The following TRPC7 variants were observed in gnomAD, a reference collection of about 807,000 sequenced individuals.
TRPC7 encodes the protein short transient receptor potential channel 7.
TRPC7 carries 42 observed loss-of-function variants against 90.1 expected under a neutral mutation model. The ratio of observed to expected loss-of-function variants is 0.47; its 90% CI spans 0.36 to 0.60. The LOEUF (loss-of-function observed/expected upper bound fraction) is 0.60. TRPC7 is among the 20% of genes least tolerant of loss of function. The pLI, the probability that TRPC7 is intolerant of heterozygous loss-of-function variation, is 0.00. For synonymous variants in TRPC7, 451 were observed against 436.3 expected, an observed-to-expected ratio of 1.03 and a Z score of -0.42; for missense variants, 955 against 1,112.3, an observed-to-expected ratio of 0.86 and a Z score of 2.01.
intron 5 of TRPC7, among the ~76,000 whole-genome samples, chr5:136,264,614 A>G (rs1241863163): frequency 6.6e-6 from 1 of 151,200 alleles, no homozygotes; most frequent in African/African-American, 2.4e-5. Flanking sequence ...TCTTTTTTAG[A>G]CAGAGTCTTG....
chr5:136,273,652 C>T (rs1255969591), intron 4 of TRPC7, among the ~76,000 whole-genome samples: 7 of 152,168 alleles, frequency 4.6e-5, no homozygotes, highest in Non-Finnish European at 8.8e-5. Context: ...GGTTGGTTCA[C>T]TGGTGACACT....
chr5:136,341,359 TA>T (rs1284770922), intron 2 of TRPC7, among the ~76,000 whole-genome samples: 3 of 151,852 alleles, frequency 2.0e-5, no homozygotes, highest in East Asian at 3.9e-4. Flanking sequence ...TATTATTAAT[TA>T]AAAAAAAGCC....
At chr5:136,238,252 C>T (rs1275909198) in intron 7 of TRPC7, among the ~76,000 whole-genome samples, 3 of 152,192 alleles carry the variant, frequency 2.0e-5, no homozygotes, top group African/African-American at 4.8e-5. Flanking sequence ...CTATAACTAT[C>T]TTACTTGCCT....
At chr5:136,218,161 TATATA>T (rs1174959015) in intron 10 of TRPC7, among the ~76,000 whole-genome samples, 1 of 141,746 alleles carries the variant, frequency 7.1e-6, no homozygotes. Flanking sequence ...ATATATAAAA[TATATA>T]ATATATATCT....
At chr5:136,242,574 A>G (rs1756205848) in intron 7 of TRPC7, among the ~76,000 whole-genome samples, 1 of 152,248 alleles carries the variant, frequency 6.6e-6, no homozygotes, top group African/African-American at 2.4e-5. Context: ...TTGCCTGCAT[A>G]GAGCCTGAAA....
At chr5:136,328,177 A>G (rs777305341) in intron 2 of TRPC7, among the ~76,000 whole-genome samples, 1 of 152,172 alleles carries the variant, frequency 6.6e-6, no homozygotes, top group Non-Finnish European at 1.5e-5. Flanking sequence ...AGAGACCGAC[A>G]ACATTTATTG....
intron 3 of TRPC7, among the ~76,000 whole-genome samples, chr5:136,302,227 A>G (rs13156969): frequency 0.12 from 18,443 of 152,250 alleles, 1,171 homozygotes; most frequent in African/African-American, 0.14. Flanking sequence ...ATTATTCACC[A>G]TTTCAAAGGT....
intron 3 of TRPC7, among the ~76,000 whole-genome samples, chr5:136,305,368 C>T (rs1580931801): frequency 1.3e-5 from 2 of 152,176 alleles, no homozygotes; most frequent in South Asian, 2.1e-4. Context: ...CACTAGCCCA[C>T]CTCTCAGAAC....
rs187717503 is a variant in TRPC7 at position 136,345,131 on chromosome 5, G to A, written c.780+11477C>T. On this transcript the variant is annotated intron_variant, in intron 2 of 11. Transcript: ENST00000513104. ...AAAAAGGTTGCTTTTTGGAGGGGAA[G>A]GATAATGGAAGTAGGGATAAAGTAT... Among the ~76,000 whole-genome samples the A allele has an allele frequency of 1.1e-3, 162 of 152,200 alleles. 1 individual carries two copies. The highest frequency in any genetic ancestry group is 2.1e-3 in the Non-Finnish European group (142 of 68,026).
At chr5:136,220,935 TAGAA>T (rs879878877) in intron 10 of TRPC7, among the ~76,000 whole-genome samples, 1 of 152,060 alleles carries the variant, frequency 6.6e-6, no homozygotes, top group Non-Finnish European at 1.5e-5. Context: ...TTATGGAAAA[TAGAA>T]AGAACCTACA....
At chr5:136,265,204 G>C (rs556321805) in intron 5 of TRPC7, among the ~76,000 whole-genome samples, 1 of 152,258 alleles carries the variant, frequency 6.6e-6, no homozygotes, top group East Asian at 1.9e-4. Flanking sequence ...TAAACATAAT[G>C]AAAATTATAC....
At chr5:136,339,494 C>T (rs1759776196) in intron 2 of TRPC7, among the ~76,000 whole-genome samples, 1 of 152,132 alleles carries the variant, frequency 6.6e-6, no homozygotes, top group Non-Finnish European at 1.5e-5. Context: ...CCCAATTGGT[C>T]CTATAGATAA....
intron 3 of TRPC7, among the ~76,000 whole-genome samples, chr5:136,277,090 T>A (rs541899840): frequency 8.5e-5 from 13 of 152,334 alleles, no homozygotes; most frequent in African/African-American, 2.6e-4. Flanking sequence ...TTCTTGTCTG[T>A]ATCTAGGAGA....
chr5:136,224,348 G>C (rs1245071123), intron 10 of TRPC7, among the ~76,000 whole-genome samples: 1 of 152,192 alleles, frequency 6.6e-6, no homozygotes, highest in Non-Finnish European at 1.5e-5. Context: ...ATTTCCAAAA[G>C]CAATGCAAGG....
At chr5:136,301,658 G>T (rs187873447) in intron 3 of TRPC7, among the ~76,000 whole-genome samples, 1 of 151,958 alleles carries the variant, frequency 6.6e-6, no homozygotes. Flanking sequence ...ACCCCTGCCC[G>T]CAAAACATTG....
At chr5:136,287,134 A>G (rs1757746057) in intron 3 of TRPC7, among the ~76,000 whole-genome samples, 1 of 152,110 alleles carries the variant, frequency 6.6e-6, no homozygotes, top group African/African-American at 2.4e-5. Flanking sequence ...TGGGTGTCTG[A>G]ATAACCTTCC....
intron 5 of TRPC7, among the ~76,000 whole-genome samples, chr5:136,262,718 A>G (rs75642814): frequency 0.022 from 3,390 of 152,346 alleles, 49 homozygotes; most frequent in Middle Eastern, 0.037. Flanking sequence ...AAAAGCAAAC[A>G]TAAATAATAT....
intron 3 of TRPC7, among the ~76,000 whole-genome samples, chr5:136,293,117 T>C (rs1758022130): frequency 6.6e-6 from 1 of 152,136 alleles, no homozygotes; most frequent in Non-Finnish European, 1.5e-5. Flanking sequence ...AAACTCTCAA[T>C]AAATTAGGTA....
intron 2 of TRPC7, among the ~76,000 whole-genome samples, chr5:136,354,537 G>A (rs1266758512): frequency 6.6e-6 from 1 of 152,094 alleles, no homozygotes; most frequent in African/African-American, 2.4e-5. Flanking sequence ...GGCTTCCATG[G>A]CCTCACCTAC....
Sources: gnomAD v4.1 joint callset for allele counts (sites outside exome capture counted in the v4.1 genomes callset) on GRCh38, gnomAD v4.1.1 for gene constraint, MANE v1.5 for transcripts, NCBI Gene and HGNC (gene_info 2026-07-23, HGNC 2026-07-21) for gene names.